Variants in BTG4 observed in about 807,000 individuals in gnomAD.
The protein encoded by BTG4 is protein BTG4.
A neutral mutation model predicts 19.3 loss-of-function variants in BTG4; 10 were observed. The ratio of observed to expected loss-of-function variants is 0.52; its 90% CI spans 0.32 to 0.88. The LOEUF (loss-of-function observed/expected upper bound fraction) is 0.88, where lower values mean the gene tolerates loss of function less well. Ranked by LOEUF, BTG4 falls within the 40% of genes least tolerant of loss-of-function variation. BTG4 has a pLI of 0.04. For synonymous variants in BTG4, 91 were observed against 95.7 expected (o/e 0.95, Z 0.29); for missense variants, 238 against 281.9 (o/e 0.84, Z 1.11).
At chr11:111,386,634 G>A in the BTG4 span, among the ~76,000 whole-genome samples, 2 of 152,172 alleles carry the variant, frequency 1.3e-5, no homozygotes, top group Non-Finnish European at 2.9e-5. Flanking sequence ...TAGCGTTCAT[G>A]AGAGTCTCAA....
chr11:111,474,214 T>C (rs1253077631), intron 5 of BTG4, among the ~76,000 whole-genome samples: 1 of 152,126 alleles, frequency 6.6e-6, no homozygotes, highest in Admixed American at 6.6e-5. Flanking sequence ...AAATAACAGC[T>C]TTAAAAGTGA....
rs1028634449 is a variant in BTG4 at position 111,512,298 on chromosome 11, A to T, written c.-144T>A. The T allele has an allele frequency of 6.6e-6, 1 of 152,192 alleles. No individual in the cohort carries two copies. Among genetic ancestry groups the T allele is most frequent in the Admixed American group, 6.5e-5 (1 of 15,284 alleles). 9.4% of individuals were successfully genotyped at this position (152,192 alleles called of 1,614,324 possible). A position where few individuals can be genotyped will look rare whatever the true frequency, so the allele number is the denominator to read the frequency against. On this transcript the variant is annotated 5_prime_UTR_variant, in exon 1 of 5. Coordinates refer to ENST00000692032, the MANE Select transcript of BTG4 (RefSeq NM_001367975.1). ...CCCTCCTGCTAGATCAGAAAGAGAA[A>T]CGTCTCAAGAATCTGGGCCTCCATC...
chr11:111,485,563 C>T (rs1181957626), intron 5 of BTG4, among the ~76,000 whole-genome samples: 1 of 151,964 alleles, frequency 6.6e-6, no homozygotes, highest in Non-Finnish European at 1.5e-5. Flanking sequence ...AAATGAAATA[C>T]AACATTCCAA....
the BTG4 span, chr11:111,450,600 ACTGCATGCAAATT>A: frequency 6.6e-6 from 1 of 152,248 alleles, no homozygotes; most frequent in Non-Finnish European, 1.5e-5. Flanking sequence ...CTCCCTGAGA[ACTGCATGCAAATT>A]CTGACCCCCC....
At chr11:111,402,642 T>A in the BTG4 span, among the ~76,000 whole-genome samples, 1 of 152,208 alleles carries the variant, frequency 6.6e-6, no homozygotes, top group Non-Finnish European at 1.5e-5. Flanking sequence ...CAAGGGGATG[T>A]GCCTTCCAGA....
At chr11:111,444,672 CA>C in the BTG4 span, among the ~76,000 whole-genome samples, 1 of 151,962 alleles carries the variant, frequency 6.6e-6, no homozygotes, top group African/African-American at 2.4e-5. Context: ...CATAATACCC[CA>C]TAAATATATA....
At chr11:111,447,758 A>G in the BTG4 span, among the ~76,000 whole-genome samples, 1 of 152,262 alleles carries the variant, frequency 6.6e-6, no homozygotes, top group South Asian at 2.1e-4. Context: ...TGCTCAGAGG[A>G]TCCATATCTT....
chr11:111,474,489 C>T (rs1432470713), intron 5 of BTG4, among the ~76,000 whole-genome samples: 2 of 152,162 alleles, frequency 1.3e-5, no homozygotes, highest in South Asian at 4.1e-4. Context: ...GATTCATTCA[C>T]ATTGTGGGAG....
chr11:111,433,017 G>T, the BTG4 span, among the ~76,000 whole-genome samples: 1 of 152,192 alleles, frequency 6.6e-6, no homozygotes. Flanking sequence ...GTCTCCCCTG[G>T]AAGTAGTTGT....
chr11:111,416,642 T>C, the BTG4 span: 75 of 152,232 alleles, frequency 4.9e-4, no homozygotes, highest in African/African-American at 1.7e-3. Context: ...TGGGCCAATG[T>C]GAGCAGAGAG....
chr11:111,486,307 G>A (rs976069373), intron 5 of BTG4, among the ~76,000 whole-genome samples: 3 of 152,062 alleles, frequency 2.0e-5, no homozygotes, highest in Non-Finnish European at 4.4e-5. Context: ...ACGGTGGTGT[G>A]CACCTGTAGT....
chr11:111,402,419 G>C, the BTG4 span, among the ~76,000 whole-genome samples: 1 of 152,002 alleles, frequency 6.6e-6, no homozygotes, highest in African/African-American at 2.4e-5. Flanking sequence ...TAAAATCTAA[G>C]ATACATCTAC....
the BTG4 span, chr11:111,417,464 T>A: frequency 6.6e-6 from 1 of 152,082 alleles, no homozygotes; most frequent in Admixed American, 6.6e-5. Context: ...CCCTCCTCAA[T>A]CCCCTGCCTT....
At chr11:111,388,225 T>C in the BTG4 span, among the ~76,000 whole-genome samples, 1 of 152,154 alleles carries the variant, frequency 6.6e-6, no homozygotes, top group Non-Finnish European at 1.5e-5. Context: ...AGAGATATTC[T>C]TTGGGCCCCA....
chr11:111,491,268 G>A (rs1016017788), downstream of BTG4, among the ~76,000 whole-genome samples: 18 of 152,164 alleles, frequency 1.2e-4, no homozygotes, highest in African/African-American at 4.1e-4. Context: ...GCAACAAGAG[G>A]AATTCTTGTG....
Position 111,506,769 on chromosome 11 carries a change from A to G in BTG4, c.-27+5412T>C, listed in dbSNP as rs145113467. On this transcript the variant is annotated intron_variant, in intron 1 of 4. Transcript: ENST00000692032. ...AATTCAAAATACAATTAGAATATAG[A>G]ATAATACTCTCTTATTAATGGAACA... Among the ~76,000 whole-genome samples the G allele has an allele frequency of 4.8e-3, 726 of 152,260 alleles. 9 individuals carry two copies. The highest frequency in any genetic ancestry group is 0.017 in the African/African-American group (694 of 41,566).
In BTG4 at chr11:111,497,282, A is replaced by G. The variant is rs773208395; in HGVS notation, c.439T>C (p.Cys147Arg). The G allele has an allele frequency of 3.7e-6, 6 of 1,611,746 alleles. No individual in the cohort carries two copies. Among genetic ancestry groups the G allele is most frequent in the Middle Eastern group, 1.7e-4 (1 of 6,050 alleles). The change falls in exon 4 of 5, where the codon TGC becomes CGC. Residue 147 changes from cysteine to arginine, a missense_variant. Transcript: ENST00000692032. The part of the protein sequence containing the change: ...ASSDVSSGTS[C>R]DEESCSKEPR... ...TCCTTGCTACAACTTTCTTCATCGC[A>G]GGAAGTGCCAGAGGAAACGTCTGAT...
downstream of BTG4, among the ~76,000 whole-genome samples, chr11:111,464,185 G>A (rs1301066154): frequency 1.3e-5 from 2 of 152,086 alleles, no homozygotes; most frequent in Admixed American, 6.5e-5. Flanking sequence ...TTTTAGTAGA[G>A]ACAGGGTTTC....
chr11:111,504,736 A>G (rs992239395), intron 1 of BTG4, among the ~76,000 whole-genome samples: 3 of 152,114 alleles, frequency 2.0e-5, no homozygotes, highest in Non-Finnish European at 2.9e-5. Context: ...ACTCCTCTAG[A>G]AGACTCCTTG....
Sources: allele counts gnomAD v4.1 joint callset (sites outside exome capture counted in the v4.1 genomes callset), GRCh38; gene constraint gnomAD v4.1.1; transcripts MANE v1.5; gene names NCBI Gene and HGNC (gene_info 2026-07-23, HGNC 2026-07-21).